Variants in APC2 observed in about 807,000 individuals in gnomAD.
APC2 encodes adenomatous polyposis coli protein 2.
A neutral mutation model predicts 72.5 loss-of-function variants in APC2; 41 were observed. The observed-to-expected ratio is 0.57, with a 90% CI of 0.44 to 0.73. The LOEUF (loss-of-function observed/expected upper bound fraction) is 0.73. Among genes scored for constraint, APC2 ranks in the 30% least tolerant of loss-of-function variants. The pLI is 0.00. For synonymous variants in APC2, 1,898 were observed against 1,612.0 expected (o/e 1.18, Z -4.25); for missense variants, 3,729 against 3,403.4 (o/e 1.10, Z -2.38).
Position 1,453,079 on chromosome 19 carries a change from G to A in APC2, c.78G>A (p.Arg26=), listed in dbSNP as rs2083763984. ...TGAAGGCTGAGAACAGCCACCTGAG[G>A]CAGGAGCTAAGGGACAACTCCAGCC... ...EALKAENSHL[R]QELRDNSSHL... The change falls in exon 2 of 15, where the codon AGG becomes AGA. Residue 26 remains arginine, a synonymous_variant. Coordinates refer to ENST00000590469, the MANE Select transcript of APC2 (RefSeq NM_005883.3). 6.2e-7 allele frequency: 1 copy of A among 1,610,280 alleles called. No homozygotes were observed. Among genetic ancestry groups the A allele is most frequent in the Non-Finnish European group, 8.5e-7 (1 of 1,179,250 alleles).
rs775547911 is a variant in APC2, at chr19:1,452,980, C to G, written c.-18-4C>G. The G allele has an allele frequency of 3.1e-6, 5 of 1,610,294 alleles. No homozygotes were observed. The South Asian group carries it at 5.5e-5, about 18-fold the overall frequency. ...AGCTGAACCCTCTGACCCTGTGATC[C>G]CAGACGCTGCAGGAGCTGAAGATGG... On this transcript the variant is annotated splice_polypyrimidine_tract_variant and splice_region_variant and intron_variant, in intron 1 of 14. Coordinates refer to ENST00000590469, the MANE Select transcript of APC2 (RefSeq NM_005883.3). The surrounding 1 kb of genome is among the most constrained non-coding windows in gnomAD (Gnocchi z 5.1).
chr19:1,464,126 T>C (rs980845448), intron 14 of APC2, among the ~76,000 whole-genome samples: 1 of 151,884 alleles, frequency 6.6e-6, no homozygotes, highest in Non-Finnish European at 1.5e-5. Context: ...CTAGCCAACA[T>C]GGTGAAACTC....
At position 1,466,810 on chromosome 19, in the gene APC2, G is replaced by A; in HGVS notation, c.3509G>A (p.Ser1170Asn). Residue 1170 changes from serine to asparagine, a missense_variant, in exon 15 of 15, where the codon AGC becomes AAC. Ser to Asn is a conservative substitution (Grantham distance 46). Transcript: ENST00000590469. ...SRCSSVSSLG[S>N]FESPSIASSI... ...TGCAGCTCTGTGAGCTCGCTGGGCA[G>A]CTTCGAGAGCCCGTCCATCGCCAGC... The A allele has an allele frequency of 6.4e-7, 1 of 1,552,274 alleles. No homozygotes were observed. Among genetic ancestry groups the A allele is most frequent in the Non-Finnish European group, 8.7e-7 (1 of 1,149,080 alleles).
chr19:1,461,734 C>T, intron 13 of APC2: 3 of 543,048 alleles, frequency 5.5e-6, no homozygotes, highest in Non-Finnish European at 9.7e-6. Flanking sequence ...TGTCTGTAGT[C>T]CCAGCTACTC....
Position 1,450,204 on chromosome 19 carries a change from C to T in APC2, c.-153C>T, listed in dbSNP as rs2083726802. ...CTTTGTCCGCCCCGGAGCCCCTGCC[C>T]GCGCCGCGGAGACCCCGGAGCCCGC... On this transcript the variant is annotated 5_prime_UTR_variant, in exon 1 of 15. Coordinates refer to ENST00000590469, the MANE Select transcript of APC2 (RefSeq NM_005883.3). The T allele has an allele frequency of 8.1e-6, 8 of 985,254 alleles. No individual in the cohort carries two copies. In the South Asian group the frequency reaches 3.3e-4, roughly 40 times the overall value. 61.0% of individuals were successfully genotyped at this position (985,254 alleles called of 1,614,324 possible). A position where few individuals can be genotyped will look rare whatever the true frequency, so the allele number is the denominator to read the frequency against.
At chr19:1,459,364 C>T (rs894556630) in intron 10 of APC2, among the ~76,000 whole-genome samples, 3 of 152,224 alleles carry the variant, frequency 2.0e-5, no homozygotes, top group Non-Finnish European at 2.9e-5. Flanking sequence ...GGAGCCACCA[C>T]ACCCGGCCAA....
At chr19:1,457,358 C>A in intron 9 of APC2, 115 bp downstream of exon 9, 1 of 1,395,790 alleles carries the variant, frequency 7.2e-7, no homozygotes, top group Non-Finnish European at 9.3e-7. Context: ...GCGTTGGAGG[C>A]TGCAGTACCA....
At position 1,468,268 on chromosome 19, in the gene APC2, G is replaced by C. The variant is rs1176157352; in HGVS notation, c.4967G>C (p.Arg1656Pro). ...GLRRRKPRATRLDERPAEGSR... is the reference protein window; with the variant it reads ...GLRRRKPRATPLDERPAEGSR... ...CGGCGCCGCAAGCCCCGAGCCACCC[G>C]GCTGGATGAGCGGCCCGCAGAGGGG... is the stretch of plus-strand genomic sequence containing the variant. Residue 1656 changes from arginine to proline, a missense_variant, in exon 15 of 15, where the codon CGG becomes CCG. By Grantham distance (103) the Arg-to-Pro change is moderately radical. Transcript: ENST00000590469. 1 of 1,529,432 alleles carries C rather than the reference G, an allele frequency of 6.5e-7. No individual in the cohort carries two copies. The highest frequency in any genetic ancestry group is 2.0e-5 in the Admixed American group (1 of 49,708). The allele number at this position is 1,529,432 out of a possible 1,614,324, so 94.7% of individuals were successfully genotyped here. A position where few individuals can be genotyped will look rare whatever the true frequency, so the allele number is the denominator to read the frequency against.
rs376738231 is a variant in APC2 at position 1,455,143 on chromosome 19, C to T, written c.414-6C>T. On this transcript the variant is annotated splice_region_variant and splice_polypyrimidine_tract_variant and intron_variant, in intron 4 of 14. Transcript: ENST00000590469. ...CTGAGCCCGCCCCCGCTGACTTGCT[C>T]CCCAGGTGTTTCCTGCTGAATGAGA... 8.9e-6 allele frequency: 14 copies of T among 1,564,888 alleles called. No homozygotes were observed. In the African/African-American group the frequency reaches 1.8e-4, roughly 21 times the overall value.
In APC2 at chr19:1,470,082, C is replaced by T. The variant is rs1178526889; in HGVS notation, c.6781C>T (p.His2261Tyr). Reference protein sequence around the residue: ...VAVGGFPASRHGSPSRSARVP... With the variant: ...VAVGGFPASRYGSPSRSARVP... Reference sequence around the variant, plus strand: ...CGTGGGGGGCTTCCCCGCCAGCCGGCACGGCTCCCCCAGCCGCTCGGCCCG... The same window carrying T: ...CGTGGGGGGCTTCCCCGCCAGCCGGTACGGCTCCCCCAGCCGCTCGGCCCG... The change falls in exon 15 of 15, where the codon CAC becomes TAC. Residue 2261 changes from histidine to tyrosine, a missense_variant. Transcript: ENST00000590469. 6.2e-7 allele frequency: 1 copy of T among 1,601,894 alleles called. No individual in the cohort carries two copies. The highest frequency in any genetic ancestry group is 1.1e-5 in the South Asian group (1 of 90,130).
Position 1,468,060 on chromosome 19 carries a change from A to T in APC2, c.4759A>T (p.Ser1587Cys). ...CCTGAGCTCCTCCGCCAGCTCCCTC[A>T]GCGAGCCCGAGCCCTCGGAGCCGCC... ...YSLSSSASSL[S>C]EPEPSEPPAV... The change falls in exon 15 of 15, where the codon AGC becomes TGC. Residue 1587 changes from serine (S) to cysteine (C), a missense_variant. By Grantham distance (112) the Ser-to-Cys change is moderately radical. Transcript: ENST00000590469. The T allele has an allele frequency of 1.3e-6, 2 of 1,570,170 alleles. No homozygotes were observed. The highest frequency in any genetic ancestry group is 1.1e-5 in the South Asian group (1 of 87,626).
rs1487507126 is a variant in APC2, at chr19:1,470,243, C to T, written c.*30C>T. 6.5e-7 allele frequency: 1 copy of T among 1,543,344 alleles called. No individual in the cohort carries two copies. Among genetic ancestry groups the T allele is most frequent in the East Asian group, 2.4e-5 (1 of 41,070 alleles). ...CTAGGCCGGCCTTCTGGAACGTTCT[C>T]TCCCGGCCCTGCGGCGCGGTCTGGC... On this transcript the variant is annotated 3_prime_UTR_variant, in exon 15 of 15. Transcript: ENST00000590469.
In APC2 at chr19:1,468,954, C is replaced by T. The variant is rs766566448; in HGVS notation, c.5653C>T (p.Pro1885Ser). Residue 1885 changes from proline (P) to serine (S), a missense_variant, in exon 15 of 15, where the codon CCC (proline) becomes TCC (serine). Transcript: ENST00000590469. ...SSSQTSPASQ[P>S]LPRKRPPVTQ... ...CTCCCAGACCTCGCCCGCCTCCCAGCCCCTGCCCAGAAAGCGCCCCCCGGT... is the reference window on the plus strand; with the variant it reads ...CTCCCAGACCTCGCCCGCCTCCCAGTCCCTGCCCAGAAAGCGCCCCCCGGT... 1.9e-6 allele frequency: 3 copies of T among 1,553,774 alleles called. No homozygotes were observed. Among genetic ancestry groups the T allele is most frequent in the Admixed American group, 3.7e-5 (2 of 54,734 alleles).
rs1204228457 is a variant in APC2, at chr19:1,467,873, G to T, written c.4572G>T (p.Thr1524=). The T allele has an allele frequency of 3.8e-6, 6 of 1,569,398 alleles. No individual in the cohort carries two copies. The highest frequency in any genetic ancestry group is 4.3e-6 in the Non-Finnish European group (5 of 1,166,792). The change falls in exon 15 of 15, where the codon ACG becomes ACT. Residue 1524 remains threonine, a synonymous_variant. Coordinates refer to ENST00000590469, the MANE Select transcript of APC2 (RefSeq NM_005883.3). ...AGGAGCCCCCGGCGGCCGCGCCCAC[G>T]CCAACCCACCGGCGCACATCGGCCA... ...SDEEPPAAAP[T]PTHRRTSAIP... is the part of the protein sequence containing the mutation.
intron 12 of APC2, 21 bp from the exon 13 acceptor site, chr19:1,461,016 C>T: frequency 6.2e-7 from 1 of 1,612,990 alleles, no homozygotes; most frequent in South Asian, 1.1e-5. Flanking sequence ...TCCCACCACA[C>T]TTGCCCCTCA....
upstream of APC2, among the ~76,000 whole-genome samples, chr19:1,447,388 G>T (rs189151429): frequency 6.6e-6 from 1 of 152,196 alleles, no homozygotes; most frequent in Non-Finnish European, 1.5e-5. Context: ...GCGGACTTGC[G>T]GGGAGGTGTC....
chr19:1,469,116 C>G lies in APC2; in HGVS notation c.5815C>G (p.Arg1939Gly). Reference sequence around the variant, plus strand: ...CCCGTTCATGCAGAGGCCGGCCCGGCGTGGGCCGCCACCGCTGGCTCGGGC... The same window carrying G: ...CCCGTTCATGCAGAGGCCGGCCCGGGGTGGGCCGCCACCGCTGGCTCGGGC... The part of the protein sequence containing the change: ...RIPFMQRPAR[R>G]GPPPLARAVP... The change falls in exon 15 of 15, where the codon CGT (arginine) becomes GGT (glycine). Residue 1939 changes from arginine to glycine, a missense_variant. Coordinates refer to ENST00000590469, the MANE Select transcript of APC2 (RefSeq NM_005883.3). 1 of 1,363,856 alleles carries G rather than the reference C, an allele frequency of 7.3e-7. No individual in the cohort carries two copies. The highest frequency in any genetic ancestry group is 3.1e-5 in the East Asian group (1 of 32,504). The allele number at this position is 1,363,856 out of a possible 1,614,324, so 84.5% of individuals were successfully genotyped here.
At chr19:1,447,391 G>A (rs1025920984), upstream of APC2, among the ~76,000 whole-genome samples, 1 of 152,184 alleles carries the variant, frequency 6.6e-6, no homozygotes, top group African/African-American at 2.4e-5. Flanking sequence ...GACTTGCGGG[G>A]AGGTGTCACA....
In APC2 at chr19:1,469,189, C is replaced by T. The variant is rs2084085462; in HGVS notation, c.5888C>T (p.Pro1963Leu). 3 of 1,284,906 alleles carry T rather than the reference C, an allele frequency of 2.3e-6. No individual in the cohort carries two copies. The highest frequency in any genetic ancestry group is 2.0e-6 in the Non-Finnish European group (2 of 1,014,940). 79.6% of individuals were successfully genotyped at this position (1,284,906 alleles called of 1,614,324 possible). Residue 1963 changes from proline to leucine, a missense_variant, in exon 15 of 15, where the codon CCG becomes CTG. Transcript: ENST00000590469. ...PRGRAGTEAG[P>L]GARGGRLGLV... is the part of the protein sequence containing the mutation. ...GGCCGGGCGGGGACCGAGGCGGGCCCGGGGGCGCGCGGGGGCCGCCTGGGC... is the reference window on the plus strand; with the variant it reads ...GGCCGGGCGGGGACCGAGGCGGGCCTGGGGGCGCGCGGGGGCCGCCTGGGC...
Sources: gnomAD v4.1 joint callset for allele counts (sites outside exome capture counted in the v4.1 genomes callset) on GRCh38, gnomAD v4.1.1 for gene constraint, Gnocchi (gnomAD v3.1) non-coding constraint, MANE v1.5 for transcripts, NCBI Gene and HGNC (gene_info 2026-07-23, HGNC 2026-07-21) for gene names.